TMEM177: variants seen among roughly 807,000 people sequenced by gnomAD.
TMEM177 encodes transmembrane protein 177.
Under a neutral mutation model 14.2 loss-of-function variants are expected in TMEM177, and 4 were observed. The observed-to-expected ratio is 0.28, with a 90% CI of 0.14 to 0.64. The LOEUF is 0.64. TMEM177 is among the 30% of genes least tolerant of loss of function. TMEM177 has a pLI of 0.82. For synonymous variants in TMEM177, 179 were observed against 174.5 expected, an observed-to-expected ratio of 1.03 and a Z score of -0.20; for missense variants, 344 against 405.2, an observed-to-expected ratio of 0.85 and a Z score of 1.30.
At chr2:119,684,266 C>T (rs577578069), downstream of TMEM177, among the ~76,000 whole-genome samples, 4 of 152,274 alleles carry the variant, frequency 2.6e-5, no homozygotes, top group South Asian at 2.1e-4. Flanking sequence ...ACAGCCTGCC[C>T]GGTGCTCAGT....
At chr2:119,716,534 G>A in the TMEM177 span, among the ~76,000 whole-genome samples, 3 of 152,278 alleles carry the variant, frequency 2.0e-5, no homozygotes, top group Middle Eastern at 3.4e-3. Context: ...TGCAATGCTC[G>A]AGTCCCAGCC....
the TMEM177 span, among the ~76,000 whole-genome samples, chr2:119,714,486 C>T: frequency 2.0e-5 from 3 of 152,182 alleles, no homozygotes; most frequent in Non-Finnish European, 2.9e-5. Context: ...ATCCTTTCTC[C>T]GTGGCCCTGA....
At chr2:119,706,314 C>T in the TMEM177 span, among the ~76,000 whole-genome samples, 13 of 152,248 alleles carry the variant, frequency 8.5e-5, no homozygotes, top group Admixed American at 2.6e-4. Context: ...GCGTGAGCCA[C>T]AGCGCCTGGC....
the TMEM177 span, among the ~76,000 whole-genome samples, chr2:119,694,976 T>G: frequency 1.3e-5 from 2 of 152,230 alleles, no homozygotes; most frequent in Admixed American, 6.5e-5. Context: ...GAGTGGCTCA[T>G]TAAGCAGAGG....
Position 119,681,327 on chromosome 2 carries a change from G to A in TMEM177, c.474G>A (p.Val158=). Residue 158 remains valine, a synonymous_variant, in exon 2 of 2, where the codon GTG becomes GTA. Transcript: ENST00000272521. ...AGAAGTTCGCCTTGGCCAGGGAAGTGGTGTACCTGGAAAGCAGTACCACTG... is the reference window on the plus strand; with the variant it reads ...AGAAGTTCGCCTTGGCCAGGGAAGTAGTGTACCTGGAAAGCAGTACCACTG... ...EAQKFALARE[V]VYLESSTTAV... The A allele has an allele frequency of 1.2e-6, 2 of 1,614,216 alleles. No individual in the cohort carries two copies. Among genetic ancestry groups the A allele is most frequent in the Non-Finnish European group, 1.7e-6 (2 of 1,180,032 alleles).
intron 1 of TMEM177, among the ~76,000 whole-genome samples, chr2:119,680,324 T>C (rs767266848): frequency 5.4e-4 from 82 of 152,266 alleles, no homozygotes; most frequent in Non-Finnish European, 9.0e-4. Flanking sequence ...AGCTTTGAAA[T>C]AGGGTTAGCT....
the TMEM177 span, among the ~76,000 whole-genome samples, chr2:119,704,588 A>G: frequency 6.6e-6 from 1 of 152,338 alleles, no homozygotes; most frequent in Admixed American, 6.5e-5. Flanking sequence ...TCAAAAAAAA[A>G]AGAATGTGCT....
chr2:119,707,062 C>G, the TMEM177 span, among the ~76,000 whole-genome samples: 1 of 152,062 alleles, frequency 6.6e-6, no homozygotes. Flanking sequence ...CAGGCGCCCA[C>G]CACAACGCCC....
chr2:119,681,731 C>CCCG lies in TMEM177; in HGVS notation c.882_884dup (p.Arg295dup). The CCCG allele has an allele frequency of 6.2e-7, 1 of 1,614,160 alleles. No homozygotes were observed. Among genetic ancestry groups the CCCG allele is most frequent in the South Asian group, 1.1e-5 (1 of 91,082 alleles). On this transcript the variant is annotated inframe_insertion, in exon 2 of 2. Coordinates refer to ENST00000272521, the MANE Select transcript of TMEM177 (RefSeq NM_030577.3). ...CGAATCAAACATTTACCCTACACCA[C>CCCG]CCGCCGGGACTCTGTGCTGCAGATG...
Position 119,682,110 on chromosome 2 carries a change from T to G in TMEM177, c.*321T>G. On this transcript the variant is annotated 3_prime_UTR_variant, in exon 2 of 2. Transcript: ENST00000272521. The stretch of plus-strand genomic sequence containing the variant: ...AGGGTGCACTGTAAATAAACAGACA[T>G]CCCTCCTTCTTGGTCGTTTTTTTTT... The G allele has an allele frequency of 4.6e-6, 1 of 218,566 alleles. No individual in the cohort carries two copies. The highest frequency in any genetic ancestry group is 9.5e-6 in the Non-Finnish European group (1 of 105,240). 13.5% of individuals were successfully genotyped at this position (218,566 alleles called of 1,614,324 possible).
the TMEM177 span, among the ~76,000 whole-genome samples, chr2:119,702,997 G>A: frequency 1.1e-4 from 17 of 152,200 alleles, no homozygotes; most frequent in African/African-American, 3.1e-4. Flanking sequence ...ACTGTTTCCC[G>A]CAGATGCCCT....
chr2:119,716,555 T>C, the TMEM177 span, among the ~76,000 whole-genome samples: 1 of 151,978 alleles, frequency 6.6e-6, no homozygotes, highest in Non-Finnish European at 1.5e-5. Context: ...AGGGGAGAAA[T>C]GGGTGTAAGG....
chr2:119,684,226 C>G (rs542692762), downstream of TMEM177, among the ~76,000 whole-genome samples: 1 of 152,176 alleles, frequency 6.6e-6, no homozygotes. Flanking sequence ...CTTTCGTGTT[C>G]GCTGTGTCCT....
At chr2:119,684,992 C>T (rs974794611), downstream of TMEM177, among the ~76,000 whole-genome samples, 3 of 152,116 alleles carry the variant, frequency 2.0e-5, no homozygotes, top group African/African-American at 7.2e-5. Flanking sequence ...TTTTCCTTCT[C>T]CCATGCCTGC....
At chr2:119,708,403 A>G in the TMEM177 span, among the ~76,000 whole-genome samples, 2 of 152,308 alleles carry the variant, frequency 1.3e-5, no homozygotes, top group Admixed American at 6.5e-5. Flanking sequence ...TAACAGGCAT[A>G]TTTAGTTGTT....
At chr2:119,685,989 G>A (rs1173435095), downstream of TMEM177, 1 of 407,754 alleles carries the variant, frequency 2.5e-6, no homozygotes, top group African/African-American at 2.0e-5. Flanking sequence ...TGCAGCAGGG[G>A]GAACAGGACG....
Position 119,681,361 on chromosome 2 carries a change from GC to G in TMEM177, c.511del (p.Leu171CysfsTer28). On this transcript the variant is annotated frameshift_variant, in exon 2 of 2. Transcript: ENST00000272521. LOFTEE classifies it high-confidence loss of function. The part of the protein sequence containing the change: ...YLESSTTAVH[A>X]LLAPACLAGT... The stretch of plus-strand genomic sequence containing the variant: ...GGAAAGCAGTACCACTGCCGTGCAC[GC>G]CCTGCTGGCCCCAGCTTGCCTGGCA... 1.9e-6 allele frequency: 3 copies of G among 1,613,946 alleles called. No individual in the cohort carries two copies. The highest frequency in any genetic ancestry group is 2.5e-6 in the Non-Finnish European group (3 of 1,179,870).
chr2:119,690,625 C>T (rs775884626), downstream of TMEM177, among the ~76,000 whole-genome samples: 4 of 152,140 alleles, frequency 2.6e-5, no homozygotes, highest in Non-Finnish European at 4.4e-5. Context: ...GGGAGGGAGC[C>T]GGCGTCCACA....
the TMEM177 span, among the ~76,000 whole-genome samples, chr2:119,701,761 T>C: frequency 6.6e-6 from 1 of 152,196 alleles, no homozygotes; most frequent in Non-Finnish European, 1.5e-5. Context: ...TCTCTATTAT[T>C]ACTAAAATCA....
Sources: gnomAD v4.1 joint callset for allele counts (sites outside exome capture counted in the v4.1 genomes callset) on GRCh38, gnomAD v4.1.1 for gene constraint, MANE v1.5 for transcripts, NCBI Gene and HGNC (gene_info 2026-07-23, HGNC 2026-07-21) for gene names.